CC2D2B: variants seen among roughly 807,000 people sequenced by gnomAD.
CC2D2B encodes the protein coiled-coil and C2 domain containing 2B, also known as protein CC2D2B.
In CC2D2B, 128 loss-of-function variants were observed where a neutral mutation model predicts 161.2. That is an observed-to-expected ratio of 0.79 (90% CI 0.69 to 0.92). CC2D2B has a LOEUF of 0.92. CC2D2B is among the 40% of genes least tolerant of loss of function. The pLI, the probability that CC2D2B is intolerant of heterozygous loss-of-function variation, is 0.00. For synonymous variants in CC2D2B, 391 were observed against 449.8 expected, an observed-to-expected ratio of 0.87 and a Z score of 1.65; for missense variants, 1,173 against 1,375.1, an observed-to-expected ratio of 0.85 and a Z score of 2.32.
At chr10:95,980,014 C>T (rs1316650739) in intron 17 of CC2D2B, among the ~76,000 whole-genome samples, 2 of 152,208 alleles carry the variant, frequency 1.3e-5, no homozygotes, top group Admixed American at 1.3e-4. Context: ...TTTCTTGGGG[C>T]CATGCTATAC....
intron 9 of CC2D2B, among the ~76,000 whole-genome samples, chr10:95,947,111 A>G (rs1441483096): frequency 2.5e-5 from 1 of 40,726 alleles, no homozygotes; most frequent in Non-Finnish European, 4.1e-5. Flanking sequence ...ATATATATAT[A>G]TATTTTTTTT....
At chr10:95,929,456 A>G (rs141595508) in intron 6 of CC2D2B, among the ~76,000 whole-genome samples, 4 of 152,314 alleles carry the variant, frequency 2.6e-5, no homozygotes, top group African/African-American at 9.6e-5. Flanking sequence ...TGTTTTAGTT[A>G]TAAATCCTTT....
intron 17 of CC2D2B, among the ~76,000 whole-genome samples, chr10:95,977,892 T>C (rs2077375491): frequency 6.6e-6 from 1 of 152,144 alleles, no homozygotes; most frequent in African/African-American, 2.4e-5. Flanking sequence ...AGACAGAAAG[T>C]GGAATAAAGG....
chr10:95,986,475 A>G (rs1202372079), intron 19 of CC2D2B, among the ~76,000 whole-genome samples: 1 of 151,608 alleles, frequency 6.6e-6, no homozygotes, highest in Non-Finnish European at 1.5e-5. Context: ...CAGAAAAGAA[A>G]TAAATACCAT....
At position 95,910,939 on chromosome 10, in the gene CC2D2B, C is replaced by T. The variant is rs540054886; in HGVS notation, c.-23-362C>T. ...CATTAGCATGTAGGGAAGATACTGA[C>T]TTTTACATATATTCTCTTGTATTCT... is the stretch of plus-strand genomic sequence containing the variant. On this transcript the variant is annotated intron_variant, in intron 1 of 34. Coordinates refer to ENST00000646931, the MANE Select transcript of CC2D2B (RefSeq NM_001349008.3). Among the ~76,000 whole-genome samples the T allele has an allele frequency of 2.6e-5, 4 of 152,166 alleles. No homozygotes were observed. In the South Asian group the frequency reaches 8.3e-4, roughly 32 times the overall value.
intron 24 of CC2D2B, chr10:96,000,214 G>A: frequency 7.6e-7 from 1 of 1,310,372 alleles, no homozygotes; most frequent in East Asian, 3.0e-5. Flanking sequence ...CATACATCAG[G>A]TGCCTTTCTT....
intron 11 of CC2D2B, among the ~76,000 whole-genome samples, chr10:95,957,670 C>T (rs1218415214): frequency 1.4e-5 from 2 of 147,240 alleles, no homozygotes; most frequent in Non-Finnish European, 3.0e-5. Flanking sequence ...AAGCAATTCT[C>T]CTGCCTCAGC....
intron 28 of CC2D2B, among the ~76,000 whole-genome samples, chr10:96,013,334 A>G (rs1245334396): frequency 1.3e-5 from 2 of 151,982 alleles, no homozygotes; most frequent in African/African-American, 4.8e-5. Flanking sequence ...AGCTTATAAT[A>G]AAGTTATATT....
Position 95,991,403 on chromosome 10 carries a change from A to G in CC2D2B, c.2413A>G (p.Ile805Val), listed in dbSNP as rs1368053275. 13 of 1,150,168 alleles carry G rather than the reference A, an allele frequency of 1.1e-5. No individual in the cohort carries two copies. Among genetic ancestry groups the G allele is most frequent in the Non-Finnish European group, 1.4e-5 (13 of 912,828 alleles). 71.2% of individuals were successfully genotyped at this position (1,150,168 alleles called of 1,614,324 possible). A position where few individuals can be genotyped will look rare whatever the true frequency, so the allele number is the denominator to read the frequency against. Residue 805 changes from isoleucine (I) to valine (V), a missense_variant, in exon 21 of 35, where the codon ATT becomes GTT. Around this residue, in one of 3 missense-constraint regions of CC2D2B, gnomAD observed 598 missense variants for 693.2 expected, o/e 0.86. Coordinates refer to ENST00000646931, the MANE Select transcript of CC2D2B (RefSeq NM_001349008.3). Reference protein sequence around the residue: ...RRLIMKRIVKISKCNLSDIVN... With the variant: ...RRLIMKRIVKVSKCNLSDIVN... ...GTTGATAATGAAGAGAATTGTTAAA[A>G]TTAGCAAATGTAACTTGTCAGATAT...
intron 9 of CC2D2B, among the ~76,000 whole-genome samples, chr10:95,941,036 T>G (rs2076004213): frequency 6.6e-6 from 1 of 152,084 alleles, no homozygotes; most frequent in African/African-American, 2.4e-5. Flanking sequence ...AGAAATAAAC[T>G]TATGTATATA....
intron 9 of CC2D2B, among the ~76,000 whole-genome samples, chr10:95,940,507 A>C (rs1200669380): frequency 6.6e-6 from 1 of 152,144 alleles, no homozygotes; most frequent in East Asian, 1.9e-4. Flanking sequence ...TTTTATTCTA[A>C]AAAGTTTATT....
chr10:96,010,516 G>C (rs1373346351), intron 26 of CC2D2B, among the ~76,000 whole-genome samples: 2 of 152,146 alleles, frequency 1.3e-5, no homozygotes, highest in Non-Finnish European at 2.9e-5. Context: ...TGAGTTCACT[G>C]TCTGTGGAAT....
chr10:96,024,269 G>GTA (rs1491456540), intron 32 of CC2D2B, among the ~76,000 whole-genome samples: 2 of 151,788 alleles, frequency 1.3e-5, no homozygotes, highest in Admixed American at 1.3e-4. Flanking sequence ...GTGTGTGTGT[G>GTA]TATGCATGCA....
chr10:95,938,080 A>T lies in CC2D2B; in HGVS notation c.426A>T (p.Lys142Asn), dbSNP rs562738035. 1.3e-6 allele frequency: 2 copies of T among 1,550,088 alleles called. No homozygotes were observed. Among genetic ancestry groups the T allele is most frequent in the Admixed American group, 2.0e-5 (1 of 51,004 alleles). Residue 142 changes from lysine to asparagine, a missense_variant, in exon 7 of 35, where the codon AAA becomes AAT. Physicochemically the swap from Lys to Asn is moderately conservative, Grantham distance 94 (BLOSUM62 0). Around this residue, in one of 3 missense-constraint regions of CC2D2B, gnomAD observed 298 missense variants for 261.2 expected, o/e 1.14. Coordinates refer to ENST00000646931, the MANE Select transcript of CC2D2B (RefSeq NM_001349008.3). Reference protein sequence around the residue: ...VAESEEEEFMKEFILTDILKV... With the variant: ...VAESEEEEFMNEFILTDILKV... ...AGAGTGAAGAGGAAGAGTTTATGAAAGAATTCATTTTGACAGATATACTCA... is the reference window on the plus strand; with the variant it reads ...AGAGTGAAGAGGAAGAGTTTATGAATGAATTCATTTTGACAGATATACTCA...
chr10:95,921,143 G>A (rs2098526353), intron 2 of CC2D2B: 1 of 152,516 alleles, frequency 6.6e-6, no homozygotes, highest in Admixed American at 6.5e-5. Flanking sequence ...TAGGACCCCA[G>A]AGTGCTTTAG....
At chr10:95,944,459 G>T (rs2076127993) in intron 9 of CC2D2B, among the ~76,000 whole-genome samples, 1 of 152,082 alleles carries the variant, frequency 6.6e-6, no homozygotes, top group South Asian at 2.1e-4. Flanking sequence ...CTTATTCTTT[G>T]ATATTATGTG....
intron 10 of CC2D2B, among the ~76,000 whole-genome samples, chr10:95,951,708 T>C (rs1442457653): frequency 6.6e-6 from 1 of 152,208 alleles, no homozygotes; most frequent in African/African-American, 2.4e-5. Flanking sequence ...TAAAATCTGA[T>C]TTAGCAATAT....
chr10:95,910,092 G>A (rs2098503420), intron 1 of CC2D2B, among the ~76,000 whole-genome samples: 1 of 151,460 alleles, frequency 6.6e-6, no homozygotes, highest in Admixed American at 6.6e-5. Context: ...GGAGTTCAAG[G>A]CTGTAATGAG....
In CC2D2B at chr10:95,993,940, GTGTATGTATGTGTATATA is replaced by G. The variant is rs1335016005; in HGVS notation, c.2642+1245_2642+1262del. Among the ~76,000 whole-genome samples, 49 of 26,286 alleles carry G rather than the reference GTGTATGTATGTGTATATA, an allele frequency of 1.9e-3. 1 individual carries two copies. Among genetic ancestry groups the G allele is most frequent in the African/African-American group, 8.0e-3 (44 of 5,490 alleles). The allele number at this position is 26,286 out of a possible 152,430, so 17.2% of individuals were successfully genotyped here. A position where few individuals can be genotyped will look rare whatever the true frequency, so the allele number is the denominator to read the frequency against. On this transcript the variant is annotated intron_variant, in intron 22 of 34. Transcript: ENST00000646931. ...TGTGTGTGTGTGTGTGTGTGTGTGT[GTGTATGTATGTGTATATA>G]TATATATATATATATATATATATAT...
Sources: allele counts gnomAD v4.1 joint callset (sites outside exome capture counted in the v4.1 genomes callset), GRCh38; gene constraint gnomAD v4.1.1; regional missense constraint gnomAD v4.1.1; transcripts MANE v1.5; gene names NCBI Gene and HGNC (gene_info 2026-07-23, HGNC 2026-07-21).